CA6: variants seen among roughly 807,000 people sequenced by gnomAD.
The protein encoded by CA6 is carbonic anhydrase 6, also known as carbonate dehydratase VI.
Under a neutral mutation model 35.9 loss-of-function variants are expected in CA6, and 28 were observed. That is an observed-to-expected ratio of 0.78 (90% CI 0.58 to 1.07). The LOEUF (loss-of-function observed/expected upper bound fraction) is 1.07. Among genes scored for constraint, CA6 ranks in the 50% least tolerant of loss-of-function variants. CA6 has a pLI of 0.00. For synonymous variants in CA6, 148 were observed against 152.6 expected (o/e 0.97, Z 0.22); for missense variants, 377 against 382.0 (o/e 0.99, Z 0.11).
chr1:8,957,042 G>T, intron 2 of CA6, 95 bp from the exon 3 acceptor site: 1 of 1,150,152 alleles, frequency 8.7e-7, no homozygotes, highest in East Asian at 2.7e-5. Flanking sequence ...CCTGGGCTCA[G>T]ACAGGTGGGA....
At chr1:8,973,712 C>CTTTCTTTCT (rs1399211739) in intron 7 of CA6, among the ~76,000 whole-genome samples, 1 of 71,446 alleles carries the variant, frequency 1.4e-5, no homozygotes, top group Non-Finnish European at 2.9e-5. Flanking sequence ...CTTTCTCTCT[C>CTTTCTTTCT]TTTCTTTCTT....
chr1:8,949,334 A>G lies in CA6; in HGVS notation c.151A>G (p.Asn51Asp), dbSNP rs375530876. The change falls in exon 2 of 8, where the codon AAC (asparagine) becomes GAC (aspartate). Residue 51 changes from asparagine (N) to aspartate (D), a missense_variant. By Grantham distance (23) the Asn-to-Asp change is conservative (BLOSUM62 1). Transcript: ENST00000377443. ...TGGGGGCCAGAGACAGTCGCCTATC[A>G]ACCTACAGAGGACGAAGGTGCGGTA... ...ACGGQRQSPI[N>D]LQRTKVRYNP... The G allele has an allele frequency of 2.1e-5, 34 of 1,613,052 alleles. No homozygotes were observed. The African/African-American group carries it at 3.3e-4, about 16-fold the overall frequency.
intron 2 of CA6, among the ~76,000 whole-genome samples, chr1:8,955,265 A>G (rs1048856588): frequency 3.9e-5 from 6 of 152,174 alleles, no homozygotes; most frequent in Non-Finnish European, 8.8e-5. Context: ...AGTCCCTGCT[A>G]CTTGAGGGGC....
intron 4 of CA6, among the ~76,000 whole-genome samples, chr1:8,961,907 C>T (rs1459900961): frequency 1.3e-5 from 2 of 152,184 alleles, no homozygotes; most frequent in Non-Finnish European, 2.9e-5. Context: ...TCAAGCCCTC[C>T]TCATCACAAA....
At chr1:8,974,519 C>A in intron 7 of CA6, 103 bp from the exon 8 acceptor site, 1 of 1,431,580 alleles carries the variant, frequency 7.0e-7, no homozygotes, top group Non-Finnish European at 9.5e-7. Context: ...CAAAAGACTT[C>A]CCAAAAATAC....
rs1436240427 is a variant in CA6 at position 8,974,714 on chromosome 1, A to G, written c.*10A>G. 1.9e-6 allele frequency: 3 copies of G among 1,560,408 alleles called. No homozygotes were observed. The African/African-American group carries it at 4.1e-5, about 21-fold the overall frequency. On this transcript the variant is annotated 3_prime_UTR_variant, in exon 8 of 8. Transcript: ENST00000377443. ...AAGAGCATTGAACTGAGGAAAGCTA[A>G]GAGGAAGATTCAATATTAACTAGCT...
At position 8,967,671 on chromosome 1, in the gene CA6, C is replaced by A. The variant is rs1640004140; in HGVS notation, c.584C>A (p.Thr195Asn). The change falls in exon 6 of 8, where the codon ACC becomes AAC. Residue 195 changes from threonine to asparagine, a missense_variant. Thr to Asn is a moderately conservative substitution (Grantham distance 65). Coordinates refer to ENST00000377443, the MANE Select transcript of CA6 (RefSeq NM_001215.4). ...ANIKYPGQRT[T>N]LTGLDVQDML... ...TCTTCTTGGTCAGGACAAAGAACAA[C>A]CCTGACTGGCCTTGACGTTCAGGAC... 1 of 1,613,860 alleles carries A rather than the reference C, an allele frequency of 6.2e-7. No individual in the cohort carries two copies.
At position 8,945,983 on chromosome 1, in the gene CA6, G is replaced by T; in HGVS notation, c.79+18G>T. 1 of 1,559,274 alleles carries T rather than the reference G, an allele frequency of 6.4e-7. No homozygotes were observed. The highest frequency in any genetic ancestry group is 8.8e-7 in the Non-Finnish European group (1 of 1,130,748). Reference sequence around the variant, plus strand: ...CTACTCAGGTGAGCCCCTAGCTTCTGCATGCTCCCCCAGTTACCCTCACAC... The same window carrying T: ...CTACTCAGGTGAGCCCCTAGCTTCTTCATGCTCCCCCAGTTACCCTCACAC... On this transcript the variant is annotated intron_variant, in intron 1 of 7. Transcript: ENST00000377443.
chr1:8,970,226 A>G (rs1640073018), intron 6 of CA6, among the ~76,000 whole-genome samples: 1 of 151,028 alleles, frequency 6.6e-6, no homozygotes. Context: ...AAAAAAAAAA[A>G]AGAGAAAAAC....
chr1:8,959,316 T>G (rs1331868928), intron 4 of CA6, among the ~76,000 whole-genome samples: 1 of 124,384 alleles, frequency 8.0e-6, no homozygotes, highest in African/African-American at 3.3e-5. Context: ...CTGCATTTCC[T>G]TTTTTTTTTT....
chr1:8,958,176 T>G (rs1639741839), intron 3 of CA6, among the ~76,000 whole-genome samples: 1 of 152,084 alleles, frequency 6.6e-6, no homozygotes, highest in Non-Finnish European at 1.5e-5. Context: ...TTTCTTTTTT[T>G]TTGTTTCTTG....
In CA6 at chr1:8,960,789, C is replaced by CACACACACACACACATATATATAT. The variant is rs59987426; in HGVS notation, c.501+1788_501+1789insCACACACACACACATATATATATA. On this transcript the variant is annotated intron_variant, in intron 4 of 7. Coordinates refer to ENST00000377443, the MANE Select transcript of CA6 (RefSeq NM_001215.4). ...ACACACACACACACACACACACACA[C>CACACACACACACACATATATATAT]ATATATATAATGGGAGTCCCAGAAG... is the stretch of plus-strand genomic sequence containing the variant. 5.3e-3 allele frequency among the ~76,000 whole-genome samples: 622 copies of CACACACACACACACATATATATAT among 116,754 alleles called. 6 individuals are homozygous for CACACACACACACACATATATATAT. Among genetic ancestry groups the CACACACACACACACATATATATAT allele is most frequent in the Non-Finnish European group, 8.4e-3 (465 of 55,528 alleles). The allele number at this position is 116,754 out of a possible 152,430, so 76.6% of individuals were successfully genotyped here.
chr1:8,957,323 A>G (rs374849470), intron 3 of CA6, 38 bp downstream of exon 3: 87 of 1,560,588 alleles, frequency 5.6e-5, no homozygotes, highest in Non-Finnish European at 7.6e-5. Context: ...TTTCCTTTGA[A>G]CCCCATAGTC....
intron 1 of CA6, among the ~76,000 whole-genome samples, chr1:8,948,897 G>T (rs1169656903): frequency 1.3e-5 from 2 of 151,680 alleles, no homozygotes; most frequent in East Asian, 1.9e-4. Flanking sequence ...TTGAATCTGG[G>T]AGGCAGAGGT....
intron 7 of CA6, among the ~76,000 whole-genome samples, chr1:8,972,664 C>CAG (rs915266500): frequency 1.3e-5 from 2 of 152,028 alleles, no homozygotes; most frequent in Admixed American, 6.6e-5. Context: ...GCCTGGGCGA[C>CAG]AGAGAGAGAC....
intron 7 of CA6, 21 bp from the exon 8 acceptor site, chr1:8,974,601 G>T (rs372650598): frequency 7.0e-6 from 11 of 1,561,392 alleles, no homozygotes; most frequent in South Asian, 2.3e-5. Context: ...AACCATTTCC[G>T]ACTAACTCTT....
chr1:8,960,149 C>T (rs761221524), intron 4 of CA6, among the ~76,000 whole-genome samples: 1 of 151,086 alleles, frequency 6.6e-6, no homozygotes, highest in Admixed American at 6.6e-5. Flanking sequence ...GAGAACTACT[C>T]GAACCCAAGA....
Position 8,970,986 on chromosome 1 carries a change from G to T in CA6, c.844+5G>T, listed in dbSNP as rs759136963. 2 of 1,571,074 alleles carry T rather than the reference G, an allele frequency of 1.3e-6. No individual in the cohort carries two copies. Among genetic ancestry groups the T allele is most frequent in the East Asian group, 2.2e-5 (1 of 44,604 alleles). On this transcript the variant is annotated splice_donor_5th_base_variant and intron_variant, in intron 7 of 7. Coordinates refer to ENST00000377443, the MANE Select transcript of CA6 (RefSeq NM_001215.4). ...AATCCAACTTCCCGAATCAGGGTGA[G>T]TGAGACCGACTCTTGATCATGCTCT...
intron 3 of CA6, among the ~76,000 whole-genome samples, chr1:8,958,229 A>C (rs949404222): frequency 3.9e-5 from 6 of 151,926 alleles, no homozygotes; most frequent in African/African-American, 1.5e-4. Context: ...GTGAAGTGGC[A>C]TGATCTTGGC....
Sources: allele counts gnomAD v4.1 joint callset (sites outside exome capture counted in the v4.1 genomes callset), GRCh38; gene constraint gnomAD v4.1.1; transcripts MANE v1.5; gene names NCBI Gene and HGNC (gene_info 2026-07-23, HGNC 2026-07-21).